The following SLC38A1 variants were observed in gnomAD, a reference collection of about 807,000 sequenced individuals.
SLC38A1 encodes the protein sodium-coupled neutral amino acid symporter 1.
SLC38A1 carries 18 observed loss-of-function variants against 60.3 expected under a neutral mutation model. That is an observed-to-expected ratio of 0.30 (90% CI 0.21 to 0.44). The LOEUF is 0.44. SLC38A1 is among the 20% of genes least tolerant of loss of function. The pLI is 1.00. For missense variants in SLC38A1, 448 were observed against 587.2 expected (o/e 0.76, Z 2.45); for synonymous variants, 196 against 212.1 (o/e 0.92, Z 0.66).
intron 5 of SLC38A1, among the ~76,000 whole-genome samples, chr12:46,215,455 AGG>A (rs1236989039): frequency 1.3e-5 from 2 of 151,998 alleles, no homozygotes; most frequent in Admixed American, 6.6e-5. Flanking sequence ...TCTGTCACCC[AGG>A]CTGGAGTGCA....
In SLC38A1 at chr12:46,188,584, A is replaced by C. The variant is rs191374883; in HGVS notation, c.*386T>G. On this transcript the variant is annotated 3_prime_UTR_variant, in exon 17 of 17. Coordinates refer to ENST00000398637, the MANE Select transcript of SLC38A1 (RefSeq NM_030674.4). ...AAAAGGTACAGATAGTGTGAGCTGA[A>C]CATCAGTAGGAAAATTATTTCAGAA... 3.1e-4 allele frequency: 49 copies of C among 160,004 alleles called. No individual in the cohort carries two copies. The highest frequency in any genetic ancestry group is 1.3e-3 in the Admixed American group (21 of 16,230). The allele number at this position is 160,004 out of a possible 1,614,324, so 9.9% of individuals were successfully genotyped here. A position where few individuals can be genotyped will look rare whatever the true frequency, so the allele number is the denominator to read the frequency against.
intron 5 of SLC38A1, among the ~76,000 whole-genome samples, chr12:46,226,904 G>T (rs1202070058): frequency 6.6e-6 from 1 of 152,188 alleles, no homozygotes; most frequent in Non-Finnish European, 1.5e-5. Flanking sequence ...ATAGGCATGA[G>T]CCACTGTGCC....
At chr12:46,261,261 G>A (rs1232427762) in intron 1 of SLC38A1, among the ~76,000 whole-genome samples, 1 of 152,188 alleles carries the variant, frequency 6.6e-6, no homozygotes, top group Non-Finnish European at 1.5e-5. Flanking sequence ...CCTCCTGGGG[G>A]CAGGGAGAGG....
intron 3 of SLC38A1, among the ~76,000 whole-genome samples, chr12:46,235,567 G>C (rs1385423361): frequency 6.6e-6 from 1 of 152,162 alleles, no homozygotes; most frequent in Non-Finnish European, 1.5e-5. Flanking sequence ...ATTGTAACAG[G>C]AGAAATGAAA....
chr12:46,207,769 T>G, intron 6 of SLC38A1, 148 bp from the exon 7 acceptor site: 1 of 693,024 alleles, frequency 1.4e-6, no homozygotes, highest in Non-Finnish European at 2.5e-6. Flanking sequence ...CCTTCAGGGG[T>G]TAAGGTATCC....
intron 1 of SLC38A1, among the ~76,000 whole-genome samples, chr12:46,260,201 T>C (rs1458532333): frequency 6.6e-6 from 1 of 152,190 alleles, no homozygotes; most frequent in Non-Finnish European, 1.5e-5. Context: ...AAGACCTTCT[T>C]GGTCTCCTCT....
At chr12:46,192,193 T>A (rs1045933019) in intron 16 of SLC38A1, among the ~76,000 whole-genome samples, 3 of 152,230 alleles carry the variant, frequency 2.0e-5, no homozygotes, top group Non-Finnish European at 2.9e-5. Flanking sequence ...GAGATAATCA[T>A]GTGGTTTTTG....
rs1286132087 is a variant in SLC38A1 at position 46,195,691 on chromosome 12, C to T, written c.1362+2029G>A. On this transcript the variant is annotated intron_variant, in intron 16 of 16. Coordinates refer to ENST00000398637, the MANE Select transcript of SLC38A1 (RefSeq NM_030674.4). ...CTCTCCCTGCATCAAGCTGCAGCGT[C>T]GCAGGTCGATCTTAGACTGTTGCGC... The T allele has an allele frequency of 3.0e-5, 5 of 166,120 alleles. No individual in the cohort carries two copies. The South Asian group carries it at 4.6e-4, about 15-fold the overall frequency. 10.3% of individuals were successfully genotyped at this position (166,120 alleles called of 1,614,324 possible).
intron 16 of SLC38A1, among the ~76,000 whole-genome samples, chr12:46,192,382 G>C (rs1939182044): frequency 6.6e-6 from 1 of 152,178 alleles, no homozygotes; most frequent in South Asian, 2.1e-4. Context: ...AGGGATATTG[G>C]CCTAAAATTC....
chr12:46,223,767 G>C (rs1449965827), intron 5 of SLC38A1, among the ~76,000 whole-genome samples: 1 of 152,194 alleles, frequency 6.6e-6, no homozygotes, highest in African/African-American at 2.4e-5. Flanking sequence ...TATCTCAGAA[G>C]TGTCGTGAAT....
chr12:46,257,565 C>T lies in SLC38A1; in HGVS notation c.-209+10961G>A, dbSNP rs79660798. Among the ~76,000 whole-genome samples, 512 of 152,218 alleles carry T rather than the reference C, an allele frequency of 3.4e-3. 1 individual carries two copies. The highest frequency in any genetic ancestry group is 0.021 in the East Asian group (110 of 5,176). ...TTGCCTTTGGGTTGGGAGGCTTCTTCGGTATTGTACCTTCCGGGTTTGGCA... is the reference window on the plus strand; with the variant it reads ...TTGCCTTTGGGTTGGGAGGCTTCTTTGGTATTGTACCTTCCGGGTTTGGCA... On this transcript the variant is annotated intron_variant, in intron 1 of 16. Transcript: ENST00000398637.
At position 46,204,571 on chromosome 12, in the gene SLC38A1, A is replaced by G. The variant is rs1939808271; in HGVS notation, c.666T>C (p.Ser222=). The change falls in exon 10 of 17, where the codon AGT becomes AGC. Residue 222 remains serine (S), a synonymous_variant. Coordinates refer to ENST00000398637, the MANE Select transcript of SLC38A1 (RefSeq NM_030674.4). ...AAACCATACAGCTCAAGGAAAATCC[A>G]CTAGTATAGCCAAGATACCCTTTAA... ...LKNLGYLGYT[S]GFSLSCMVFF... 2.5e-6 allele frequency: 4 copies of G among 1,611,068 alleles called. No homozygotes were observed. Among genetic ancestry groups the G allele is most frequent in the Non-Finnish European group, 2.5e-6 (3 of 1,178,852 alleles).
At chr12:46,205,989 G>A (rs1303905173) in intron 9 of SLC38A1, 91 bp downstream of exon 9, 8 of 718,986 alleles carry the variant, frequency 1.1e-5, no homozygotes, top group Non-Finnish European at 1.9e-5. Context: ...TGCATGCAGA[G>A]GGGAAGCAGA....
chr12:46,203,005 C>A lies in SLC38A1; in HGVS notation c.902+5G>T, dbSNP rs1343656039. 1 of 1,608,428 alleles carries A rather than the reference C, an allele frequency of 6.2e-7. No homozygotes were observed. Among genetic ancestry groups the A allele is most frequent in the Non-Finnish European group, 8.5e-7 (1 of 1,176,448 alleles). ...TTAAGATAAAAAATTAAACAAATTT[C>A]TTACTCTTTAAGCTCACTGTAAATT... On this transcript the variant is annotated splice_donor_5th_base_variant and intron_variant, in intron 12 of 16. Coordinates refer to ENST00000398637, the MANE Select transcript of SLC38A1 (RefSeq NM_030674.4).
At chr12:46,215,744 T>C (rs1214657680) in intron 5 of SLC38A1, among the ~76,000 whole-genome samples, 1 of 152,188 alleles carries the variant, frequency 6.6e-6, no homozygotes, top group Non-Finnish European at 1.5e-5. Context: ...CCAAAAGGGA[T>C]CTGAGGCTTA....
intron 2 of SLC38A1, among the ~76,000 whole-genome samples, chr12:46,240,640 G>A (rs530251674): frequency 5.3e-5 from 8 of 152,118 alleles, no homozygotes; most frequent in Non-Finnish European, 8.8e-5. Context: ...CAAATCCTGG[G>A]ATCAAGCACG....
intron 16 of SLC38A1, among the ~76,000 whole-genome samples, chr12:46,189,960 T>A (rs1939076833): frequency 6.6e-6 from 1 of 152,140 alleles, no homozygotes; most frequent in Non-Finnish European, 1.5e-5. Flanking sequence ...TATTATACTT[T>A]AAGTTCTAGG....
chr12:46,256,722 C>T (rs908827728), intron 1 of SLC38A1, among the ~76,000 whole-genome samples: 3 of 152,104 alleles, frequency 2.0e-5, no homozygotes, highest in African/African-American at 7.2e-5. Flanking sequence ...CTTCTGGGTT[C>T]CCTCTCCCTG....
At chr12:46,210,891 G>A (rs989470058) in intron 5 of SLC38A1, among the ~76,000 whole-genome samples, 4 of 152,112 alleles carry the variant, frequency 2.6e-5, no homozygotes, top group African/African-American at 9.7e-5. Flanking sequence ...GCATGAAAAT[G>A]GACTAATACA....
Sources: allele counts gnomAD v4.1 joint callset (sites outside exome capture counted in the v4.1 genomes callset), GRCh38; gene constraint gnomAD v4.1.1; transcripts MANE v1.5; gene names NCBI Gene and HGNC (gene_info 2026-07-23, HGNC 2026-07-21).